ATRN: variants seen among roughly 807,000 people sequenced by gnomAD.
ATRN encodes the protein attractin-2.
Under a neutral mutation model 178.7 loss-of-function variants are expected in ATRN, and 54 were observed. The observed-to-expected ratio is 0.30, with a 90% confidence interval of 0.24 to 0.38. The LOEUF (loss-of-function observed/expected upper bound fraction) is 0.38, where lower values mean the gene tolerates loss of function less well. Among genes scored for constraint, ATRN ranks in the 10% least tolerant of loss-of-function variants. The pLI is 1.00. For missense variants in ATRN, 1,443 were observed against 1,815.1 expected (o/e 0.79, Z 3.73); for synonymous variants, 636 against 663.0 (o/e 0.96, Z 0.63).
intron 1 of ATRN, among the ~76,000 whole-genome samples, chr20:3,529,519 A>G (rs1011041486): frequency 4.6e-5 from 7 of 152,262 alleles, no homozygotes; most frequent in African/African-American, 1.2e-4. Flanking sequence ...TATTGATACA[A>G]TACTTAGAAA....
At chr20:3,505,416 C>T (rs1006391381) in intron 1 of ATRN, among the ~76,000 whole-genome samples, 1 of 152,218 alleles carries the variant, frequency 6.6e-6, no homozygotes, top group Non-Finnish European at 1.5e-5. Context: ...CCATTGGCTT[C>T]CCTGGCTCTG....
intron 6 of ATRN, among the ~76,000 whole-genome samples, chr20:3,555,321 C>T (rs968058475): frequency 6.6e-6 from 1 of 151,940 alleles, no homozygotes; most frequent in Non-Finnish European, 1.5e-5. Flanking sequence ...CTCTTACATA[C>T]CCCACAGAAA....
chr20:3,502,665 C>A (rs2084980251), intron 1 of ATRN, among the ~76,000 whole-genome samples: 1 of 152,208 alleles, frequency 6.6e-6, no homozygotes, highest in African/African-American at 2.4e-5. Context: ...CTTGCCTGTC[C>A]TGAGATGTCC....
intron 1 of ATRN, among the ~76,000 whole-genome samples, chr20:3,486,504 T>A (rs1005131947): frequency 2.6e-5 from 4 of 152,034 alleles, no homozygotes; most frequent in African/African-American, 9.7e-5. Flanking sequence ...GTTTCCCGAG[T>A]TCAAGCGATT....
At chr20:3,622,940 G>A (rs1428429491) in intron 24 of ATRN, among the ~76,000 whole-genome samples, 4 of 152,196 alleles carry the variant, frequency 2.6e-5, no homozygotes, top group Admixed American at 1.3e-4. Context: ...GGCACAGGGC[G>A]CATGAACACC....
chr20:3,591,399 T>C, intron 19 of ATRN, 93 bp downstream of exon 19: 1 of 1,394,968 alleles, frequency 7.2e-7, no homozygotes, highest in Non-Finnish European at 9.8e-7. Context: ...AAAAGCCACT[T>C]TGTTTTGGAT....
At chr20:3,524,828 G>A (rs6115934) in intron 1 of ATRN, among the ~76,000 whole-genome samples, 57 of 152,242 alleles carry the variant, frequency 3.7e-4, no homozygotes, top group Middle Eastern at 3.4e-3. Flanking sequence ...ACGAAATTAA[G>A]GCAGAAATAA....
chr20:3,627,077 G>C (rs534654727), intron 25 of ATRN, among the ~76,000 whole-genome samples: 1 of 152,124 alleles, frequency 6.6e-6, no homozygotes, highest in Non-Finnish European at 1.5e-5. Context: ...ATGAACCACT[G>C]CGCTCAGTCA....
At chr20:3,587,516 T>G (rs2146265764) in intron 18 of ATRN, among the ~76,000 whole-genome samples, 1 of 152,292 alleles carries the variant, frequency 6.6e-6, no homozygotes, top group South Asian at 2.1e-4. Flanking sequence ...TCATGGCACA[T>G]TTGTTGCAGA....
Position 3,471,442 on chromosome 20 carries a change from A to G in ATRN, c.335A>G (p.Asn112Ser), listed in dbSNP as rs1277109409. 4.8e-6 allele frequency: 7 copies of G among 1,448,402 alleles called. No homozygotes were observed. Among genetic ancestry groups the G allele is most frequent in the Non-Finnish European group, 4.5e-6 (5 of 1,108,336 alleles). 89.7% of individuals were successfully genotyped at this position (1,448,402 alleles called of 1,614,324 possible). A position where few individuals can be genotyped will look rare whatever the true frequency, so the allele number is the denominator to read the frequency against. Residue 112 changes from asparagine to serine, a missense_variant, in exon 1 of 29, where the codon AAC (asparagine) becomes AGC (serine). Transcript: ENST00000262919. ...DRPCVNGGRC[N>S]PGTGQCVCPA... ...CCCTGTGTCAACGGCGGTCGCTGCA[A>G]CCCTGGCACCGGCCAGTGCGTCTGC...
At chr20:3,480,361 T>C (rs1309009198) in intron 1 of ATRN, among the ~76,000 whole-genome samples, 3 of 152,202 alleles carry the variant, frequency 2.0e-5, no homozygotes, top group Non-Finnish European at 2.9e-5. Flanking sequence ...GAGGCCATAA[T>C]GCCTAGAACT....
intron 13 of ATRN, among the ~76,000 whole-genome samples, chr20:3,576,164 A>G (rs1239402963): frequency 1.3e-5 from 2 of 152,144 alleles, no homozygotes; most frequent in African/African-American, 4.8e-5. Context: ...GTTTTAGAAG[A>G]AGGTAGGACT....
intron 24 of ATRN, among the ~76,000 whole-genome samples, chr20:3,613,486 T>G (rs1365917752): frequency 6.6e-6 from 1 of 152,182 alleles, no homozygotes; most frequent in African/African-American, 2.4e-5. Flanking sequence ...CCCCAGAGAC[T>G]TAGCTTTTCT....
intron 28 of ATRN, among the ~76,000 whole-genome samples, chr20:3,644,550 T>C (rs754004492): frequency 3.3e-5 from 5 of 152,180 alleles, no homozygotes; most frequent in Admixed American, 6.5e-5. Context: ...ACACCTTCCT[T>C]TGCTGTCGGA....
chr20:3,575,881 A>G lies in ATRN; in HGVS notation c.2147A>G (p.Asn716Ser). ...QHTDCYSCTA[N>S]TNDCHWCNDH... Reference sequence around the variant, plus strand: ...ACAGATTGTTACAGCTGCACAGCCAACACCAATGACTGCCACTGGTGCAAT... The same window carrying G: ...ACAGATTGTTACAGCTGCACAGCCAGCACCAATGACTGCCACTGGTGCAAT... The change falls in exon 13 of 29, where the codon AAC (asparagine) becomes AGC (serine). Residue 716 changes from asparagine (N) to serine (S), a missense_variant. This residue lies in a region of ATRN where 862 missense variants were observed against 972.1 expected (regional missense o/e 0.89). Coordinates refer to ENST00000262919, the MANE Select transcript of ATRN (RefSeq NM_139321.3). The G allele has an allele frequency of 6.2e-7, 1 of 1,614,124 alleles. No homozygotes were observed. The highest frequency in any genetic ancestry group is 8.5e-7 in the Non-Finnish European group (1 of 1,180,008).
intron 18 of ATRN, among the ~76,000 whole-genome samples, chr20:3,589,490 T>C (rs565533254): frequency 1.3e-5 from 2 of 152,346 alleles, no homozygotes; most frequent in African/African-American, 2.4e-5. Context: ...TTAAGCCTTA[T>C]TGAATGTACT....
intron 6 of ATRN, among the ~76,000 whole-genome samples, chr20:3,552,542 T>C (rs1465890201): frequency 6.6e-6 from 1 of 152,242 alleles, no homozygotes; most frequent in Non-Finnish European, 1.5e-5. Context: ...TTATGAGTTA[T>C]CTCATGCTAC....
rs150145809 is a variant in ATRN at position 3,564,046 on chromosome 20, C to T, written c.1786+683C>T. 2.0e-5 allele frequency among the ~76,000 whole-genome samples: 3 copies of T among 152,168 alleles called. No homozygotes were observed. In the East Asian group the frequency reaches 5.8e-4, roughly 29 times the overall value. On this transcript the variant is annotated intron_variant, in intron 10 of 28. Coordinates refer to ENST00000262919, the MANE Select transcript of ATRN (RefSeq NM_139321.3). ...CAATAATGTCCCATTTCTTCCTCCCCACAATGCCTGGCAACCACTATTCTA... is the reference window on the plus strand; with the variant it reads ...CAATAATGTCCCATTTCTTCCTCCCTACAATGCCTGGCAACCACTATTCTA...
At chr20:3,564,630 C>T (rs235571) in intron 10 of ATRN, among the ~76,000 whole-genome samples, 128,883 of 152,244 alleles carry the variant, frequency 0.85, 54,935 homozygotes, top group East Asian at 1. Context: ...ATTTAAATTT[C>T]TTGAAATTTC....
Sources: gnomAD v4.1 joint callset for allele counts (sites outside exome capture counted in the v4.1 genomes callset) on GRCh38, gnomAD v4.1.1 for gene constraint, gnomAD v4.1.1 regional missense constraint, MANE v1.5 for transcripts, NCBI Gene and HGNC (gene_info 2026-07-23, HGNC 2026-07-21) for gene names.